The following SENP7 variants were observed in gnomAD, a reference collection of about 807,000 sequenced individuals.
The protein encoded by SENP7 is SUMO specific peptidase 7.
A neutral mutation model predicts 141.2 loss-of-function variants in SENP7; 64 were observed. The ratio of observed to expected loss-of-function variants is 0.45; its 90% CI spans 0.37 to 0.56. The LOEUF (loss-of-function observed/expected upper bound fraction) is 0.56. Among genes scored for constraint, SENP7 ranks in the 20% least tolerant of loss-of-function variants. The pLI, the probability that SENP7 is intolerant of heterozygous loss-of-function variation, is 0.00. For synonymous variants in SENP7, 382 were observed against 426.4 expected (o/e 0.90, Z 1.28); for missense variants, 1,025 against 1,212.2 (o/e 0.85, Z 2.29).
intron 3 of SENP7, among the ~76,000 whole-genome samples, chr3:101,469,756 G>A (rs1209102111): frequency 2.0e-5 from 2 of 101,288 alleles, no homozygotes; most frequent in Admixed American, 1.3e-4. Context: ...CCTGGGAAGC[G>A]GAGCTTGCAG....
chr3:101,470,646 G>T (rs4683918), intron 3 of SENP7, among the ~76,000 whole-genome samples: 103,486 of 151,922 alleles, frequency 0.68, 35,752 homozygotes, highest in African/African-American at 0.78. Flanking sequence ...GGAAGTTCTG[G>T]CCAGGGCAAT....
At chr3:101,339,978 G>C in intron 16 of SENP7, 117 bp downstream of exon 16, 2 of 1,340,988 alleles carry the variant, frequency 1.5e-6, no homozygotes, top group Non-Finnish European at 2.0e-6. Flanking sequence ...TTCCAAATCT[G>C]AAATCTTGGC....
chr3:101,508,496 G>A (rs2065719662), intron 1 of SENP7, among the ~76,000 whole-genome samples: 1 of 152,184 alleles, frequency 6.6e-6, no homozygotes, highest in Non-Finnish European at 1.5e-5. Context: ...CTACTCGGGA[G>A]GCTGAAGCAG....
At chr3:101,394,599 G>A (rs1352085133) in intron 6 of SENP7, among the ~76,000 whole-genome samples, 3 of 151,520 alleles carry the variant, frequency 2.0e-5, no homozygotes, top group East Asian at 1.9e-4. Context: ...TGTAAGCTCC[G>A]CCTCCCAGGT....
At chr3:101,353,153 ATATT>A (rs1298169297) in intron 11 of SENP7, among the ~76,000 whole-genome samples, 1 of 152,022 alleles carries the variant, frequency 6.6e-6, no homozygotes, top group Non-Finnish European at 1.5e-5. Context: ...AACTGCCACC[ATATT>A]TAATGTATAC....
intron 6 of SENP7, among the ~76,000 whole-genome samples, chr3:101,372,739 G>C (rs967258318): frequency 3.9e-5 from 6 of 151,940 alleles, no homozygotes; most frequent in African/African-American, 9.7e-5. Flanking sequence ...ACTTAGACTG[G>C]AAGGATTCAA....
rs888368623 is a variant in SENP7 at position 101,462,543 on chromosome 3, A to G, written c.187-3491T>C. On this transcript the variant is annotated intron_variant, in intron 3 of 23. Transcript: ENST00000394095. ...GCAACAAGAGTGAAACTCTGTCTCA[A>G]AAAAAAAAAAGAAAGAAAGAAAAGA... Among the ~76,000 whole-genome samples, 39 of 147,588 alleles carry G rather than the reference A, an allele frequency of 2.6e-4. 1 individual carries two copies. Among genetic ancestry groups the G allele is most frequent in the Admixed American group, 8.1e-4 (12 of 14,812 alleles).
At chr3:101,336,004 G>A (rs890738918) in intron 17 of SENP7, among the ~76,000 whole-genome samples, 2 of 152,092 alleles carry the variant, frequency 1.3e-5, no homozygotes, top group African/African-American at 2.4e-5. Context: ...ATACGCACTC[G>A]TTGTCTAGTG....
chr3:101,364,035 A>G (rs1003685335), intron 10 of SENP7, among the ~76,000 whole-genome samples: 10 of 152,048 alleles, frequency 6.6e-5, no homozygotes, highest in African/African-American at 2.2e-4. Flanking sequence ...CTGGACAACA[A>G]AGAGAGACCC....
intron 4 of SENP7, among the ~76,000 whole-genome samples, chr3:101,435,756 AATT>A (rs1255076404): frequency 1.3e-5 from 2 of 152,048 alleles, no homozygotes; most frequent in Admixed American, 6.5e-5. Flanking sequence ...ACTATAAAAC[AATT>A]ATTAAGAAAT....
chr3:101,339,313 G>A (rs2059269282), intron 16 of SENP7, among the ~76,000 whole-genome samples: 1 of 152,262 alleles, frequency 6.6e-6, no homozygotes, highest in South Asian at 2.1e-4. Context: ...TCCATCAACT[G>A]TTGGGAATCT....
intron 5 of SENP7, among the ~76,000 whole-genome samples, chr3:101,409,421 C>G (rs1230121170): frequency 6.6e-6 from 1 of 152,108 alleles, no homozygotes; most frequent in Non-Finnish European, 1.5e-5. Flanking sequence ...TCATTCTTCA[C>G]AGAATTAGAA....
intron 12 of SENP7, among the ~76,000 whole-genome samples, chr3:101,351,229 C>T (rs2059604708): frequency 6.6e-6 from 1 of 151,960 alleles, no homozygotes; most frequent in Non-Finnish European, 1.5e-5. Flanking sequence ...CTTTCCCTTA[C>T]TAAGATATGC....
intron 6 of SENP7, among the ~76,000 whole-genome samples, chr3:101,379,670 C>T (rs941766491): frequency 2.0e-5 from 3 of 152,004 alleles, no homozygotes; most frequent in South Asian, 2.1e-4. Flanking sequence ...ATCAAAAAAA[C>T]GAAAACAAGT....
intron 6 of SENP7, among the ~76,000 whole-genome samples, chr3:101,382,140 T>C (rs566273905): frequency 2.0e-5 from 3 of 152,316 alleles, no homozygotes; most frequent in African/African-American, 2.4e-5. Context: ...AAAACCTTTA[T>C]TACTTTTGTA....
At position 101,366,758 on chromosome 3, in the gene SENP7, T is replaced by G. The variant is rs760441667; in HGVS notation, c.990A>C (p.Glu330Asp). Residue 330 changes from glutamate (E) to aspartate (D), a missense_variant, in exon 9 of 24, where the codon GAA becomes GAC. Glu to Asp is a conservative substitution (Grantham distance 45). This residue lies in a region of SENP7 where 496 missense variants were observed against 503.5 expected (regional missense o/e 0.99). Transcript: ENST00000394095. ...DKSTEQTKKQ[E>D]DDSTISTEFE... Reference sequence around the variant, plus strand: ...ACTCAGTGGATATTGTTGAGTCATCTTCTTGTTTTTTCTAAACATAAACAC... The same window carrying G: ...ACTCAGTGGATATTGTTGAGTCATCGTCTTGTTTTTTCTAAACATAAACAC... The G allele has an allele frequency of 5.1e-6, 8 of 1,577,642 alleles. No homozygotes were observed. In the African/African-American group the frequency reaches 9.5e-5, roughly 19 times the overall value.
At chr3:101,465,785 C>T (rs2063739329) in intron 3 of SENP7, among the ~76,000 whole-genome samples, 1 of 151,390 alleles carries the variant, frequency 6.6e-6, no homozygotes, top group Admixed American at 6.6e-5. Context: ...AATAATTTTC[C>T]AATAAGAGAC....
chr3:101,331,122 TA>T (rs2059036780), intron 19 of SENP7, among the ~76,000 whole-genome samples: 3 of 145,796 alleles, frequency 2.1e-5, no homozygotes, highest in African/African-American at 7.5e-5. Context: ...GTGTATTTTT[TA>T]AAATGGTATA....
chr3:101,507,666 C>CA (rs11322706), intron 1 of SENP7, among the ~76,000 whole-genome samples: 13,297 of 150,394 alleles, frequency 0.088, 611 homozygotes, highest in Middle Eastern at 0.14. Context: ...GGGGGGAAGA[C>CA]AAAAAAAAAA....
Sources: allele counts gnomAD v4.1 joint callset (sites outside exome capture counted in the v4.1 genomes callset), GRCh38; gene constraint gnomAD v4.1.1; regional missense constraint gnomAD v4.1.1; transcripts MANE v1.5; gene names NCBI Gene and HGNC (gene_info 2026-07-23, HGNC 2026-07-21).